Variants in SPAG16 observed in about 807,000 individuals in gnomAD.
The protein encoded by SPAG16 is sperm associated antigen 16.
Under a neutral mutation model 80.4 loss-of-function variants are expected in SPAG16, and 86 were observed. The ratio of observed to expected loss-of-function variants is 1.07; its 90% CI spans 0.90 to 1.28. The LOEUF is 1.28. SPAG16 is among the 50% of genes most tolerant of loss of function. The probability of loss-of-function intolerance (pLI) is 0.00; values close to 1 mark genes in which losing one functional copy is unlikely to be tolerated. For synonymous variants in SPAG16, 294 were observed against 265.9 expected (o/e 1.11, Z -1.03); for missense variants, 870 against 765.3 (o/e 1.14, Z -1.61).
chr2:213,338,160 AAATGCTGAGGG>A (rs1201699253), intron 5 of SPAG16, among the ~76,000 whole-genome samples: 3 of 152,190 alleles, frequency 2.0e-5, no homozygotes, highest in African/African-American at 7.2e-5. Flanking sequence ...TCAGACAAGC[AAATGCTGAGGG>A]AATTCATCAC....
intron 15 of SPAG16, among the ~76,000 whole-genome samples, chr2:214,356,828 G>A (rs990010024): frequency 3.3e-5 from 5 of 151,752 alleles, no homozygotes; most frequent in Non-Finnish European, 7.4e-5. Context: ...TAATGATTTT[G>A]TATTACCTAC....
chr2:214,069,966 A>G (rs2050711986), intron 13 of SPAG16, among the ~76,000 whole-genome samples: 1 of 152,098 alleles, frequency 6.6e-6, no homozygotes, highest in South Asian at 2.1e-4. Context: ...TTTGGTTAAT[A>G]ACATTGAATT....
intron 10 of SPAG16, among the ~76,000 whole-genome samples, chr2:213,562,818 T>C (rs1049731064): frequency 2.6e-5 from 4 of 151,778 alleles, no homozygotes; most frequent in African/African-American, 9.7e-5. Flanking sequence ...TGATGCCTGG[T>C]GAGGGCCGAT....
chr2:213,496,877 A>G (rs1178436325), intron 10 of SPAG16, among the ~76,000 whole-genome samples: 1 of 151,584 alleles, frequency 6.6e-6, no homozygotes, highest in African/African-American at 2.4e-5. Flanking sequence ...ATGGATATTT[A>G]GAATAAGCTT....
chr2:213,550,793 C>A (rs2125942866), intron 10 of SPAG16, among the ~76,000 whole-genome samples: 1 of 152,104 alleles, frequency 6.6e-6, no homozygotes, highest in South Asian at 2.1e-4. Context: ...ACCTTTATAT[C>A]ATTGCTGACT....
intron 10 of SPAG16, among the ~76,000 whole-genome samples, chr2:213,597,789 A>G (rs1032689412): frequency 1.3e-5 from 2 of 152,184 alleles, no homozygotes; most frequent in Non-Finnish European, 2.9e-5. Flanking sequence ...CTTCTCTGAC[A>G]TATTTTAAGA....
intron 9 of SPAG16, among the ~76,000 whole-genome samples, chr2:213,449,399 C>T (rs965752412): frequency 6.6e-6 from 1 of 152,142 alleles, no homozygotes; most frequent in Non-Finnish European, 1.5e-5. Context: ...GCTTTTTGCT[C>T]TTTGAAGCAT....
chr2:213,531,786 T>A (rs2076076710), intron 10 of SPAG16, among the ~76,000 whole-genome samples: 1 of 152,208 alleles, frequency 6.6e-6, no homozygotes, highest in South Asian at 2.1e-4. Context: ...TACTAATTTT[T>A]CTGTAATTTT....
chr2:214,237,114 GC>G (rs1045522611), intron 15 of SPAG16, among the ~76,000 whole-genome samples: 11 of 152,106 alleles, frequency 7.2e-5, no homozygotes, highest in African/African-American at 2.7e-4. Flanking sequence ...TTCAGGGACA[GC>G]AATCACATAG....
rs150748583 is a variant in SPAG16 at position 213,670,089 on chromosome 2, C to T, written c.1070+179999C>T. Among the ~76,000 whole-genome samples the T allele has an allele frequency of 9.7e-3, 1,481 of 151,990 alleles. 18 individuals carry two copies. The highest frequency in any genetic ancestry group is 0.016 in the Non-Finnish European group (1,073 of 67,980). ...CTCACCTCACTGCAAACTCTGCCTCCGGGGTTCACGCCCTTCTGCCTCAGC... is the reference window on the plus strand; with the variant it reads ...CTCACCTCACTGCAAACTCTGCCTCTGGGGTTCACGCCCTTCTGCCTCAGC... On this transcript the variant is annotated intron_variant, in intron 10 of 15. Coordinates refer to ENST00000331683, the MANE Select transcript of SPAG16 (RefSeq NM_024532.5).
intron 9 of SPAG16, among the ~76,000 whole-genome samples, chr2:213,469,528 C>T (rs1278795060): frequency 1.3e-5 from 2 of 151,124 alleles, no homozygotes; most frequent in African/African-American, 2.4e-5. Flanking sequence ...TCTTCAACTA[C>T]CCATTCTGTA....
intron 10 of SPAG16, among the ~76,000 whole-genome samples, chr2:213,701,966 T>C (rs530173550): frequency 1.4e-4 from 21 of 152,310 alleles, no homozygotes; most frequent in African/African-American, 5.0e-4. Context: ...CTTTTGTGTC[T>C]AGCTAAAGGA....
chr2:213,573,549 A>G (rs1040337225), intron 10 of SPAG16, among the ~76,000 whole-genome samples: 1 of 152,222 alleles, frequency 6.6e-6, no homozygotes, highest in Admixed American at 6.5e-5. Context: ...AAGCTCAGCC[A>G]TTAATTTTCT....
intron 10 of SPAG16, among the ~76,000 whole-genome samples, chr2:213,825,199 A>G (rs1017248890): frequency 5.9e-5 from 9 of 152,082 alleles, no homozygotes; most frequent in Admixed American, 2.6e-4. Flanking sequence ...TTTCTTTCCA[A>G]TTTTGAAGCA....
intron 12 of SPAG16, among the ~76,000 whole-genome samples, chr2:213,961,011 T>C (rs2044389798): frequency 6.6e-6 from 1 of 152,170 alleles, no homozygotes; most frequent in Non-Finnish European, 1.5e-5. Flanking sequence ...TCCAGGAACA[T>C]GTGCACAGCC....
chr2:214,041,874 A>G (rs1015606666), intron 13 of SPAG16, among the ~76,000 whole-genome samples: 1 of 149,504 alleles, frequency 6.7e-6, no homozygotes, highest in Admixed American at 6.7e-5. Flanking sequence ...AATCCAATTT[A>G]AATATGTACA....
chr2:213,309,373 C>T (rs2063088381), intron 3 of SPAG16, among the ~76,000 whole-genome samples: 1 of 152,096 alleles, frequency 6.6e-6, no homozygotes, highest in Non-Finnish European at 1.5e-5. Flanking sequence ...ATGTGGAATA[C>T]TAGTGTAAGC....
intron 15 of SPAG16, among the ~76,000 whole-genome samples, chr2:214,315,924 A>G (rs891615213): frequency 1.5e-4 from 23 of 152,156 alleles, no homozygotes; most frequent in African/African-American, 5.5e-4. Context: ...TATGTTTTAA[A>G]GTAGTGCAGA....
intron 15 of SPAG16, among the ~76,000 whole-genome samples, chr2:214,368,614 C>A (rs1003660356): frequency 6.6e-6 from 1 of 152,030 alleles, no homozygotes; most frequent in African/African-American, 2.4e-5. Flanking sequence ...CTGGGCCATC[C>A]TTCCCTATTT....
Sources: allele counts gnomAD v4.1 joint callset (sites outside exome capture counted in the v4.1 genomes callset), GRCh38; gene constraint gnomAD v4.1.1; transcripts MANE v1.5; gene names NCBI Gene and HGNC (gene_info 2026-07-23, HGNC 2026-07-21).